ZG16: variants seen among roughly 807,000 people sequenced by gnomAD.
The protein encoded by ZG16 is zymogen granule protein 16.
A neutral mutation model predicts 15.6 loss-of-function variants in ZG16; 9 were observed. The observed-to-expected ratio is 0.58, with a 90% CI of 0.35 to 1.00. The LOEUF (loss-of-function observed/expected upper bound fraction) is 1.00. Among genes scored for constraint, ZG16 ranks in the 50% least tolerant of loss-of-function variants. The pLI, the probability that ZG16 is intolerant of heterozygous loss-of-function variation, is 0.02. For synonymous variants in ZG16, 89 were observed against 87.4 expected (o/e 1.02, Z -0.10); for missense variants, 174 against 214.8 (o/e 0.81, Z 1.19).
At chr16:29,779,746 G>T (rs1898601659) in intron 3 of ZG16, 109 bp downstream of exon 3, 1 of 1,347,088 alleles carries the variant, frequency 7.4e-7, no homozygotes, top group South Asian at 1.4e-5. Flanking sequence ...GCTCAGCCTG[G>T]GCAAGATGCC....
Position 29,780,519 on chromosome 16 carries a change from A to G in ZG16, c.*100A>G. On this transcript the variant is annotated 3_prime_UTR_variant, in exon 4 of 4. Transcript: ENST00000400752. ...CAATAAAAAAAATATGGTTAAGGCTAGTCTGTGTGGGGGCATCTGTGGCTG... is the reference window on the plus strand; with the variant it reads ...CAATAAAAAAAATATGGTTAAGGCTGGTCTGTGTGGGGGCATCTGTGGCTG... 2 of 1,131,632 alleles carry G rather than the reference A, an allele frequency of 1.8e-6. No homozygotes were observed. The highest frequency in any genetic ancestry group is 2.4e-6 in the Non-Finnish European group (2 of 819,398). The allele number at this position is 1,131,632 out of a possible 1,614,324, so 70.1% of individuals were successfully genotyped here. A position where few individuals can be genotyped will look rare whatever the true frequency, so the allele number is the denominator to read the frequency against.
Position 29,781,450 on chromosome 16 carries a change from T to C in ZG16, c.*1031T>C, listed in dbSNP as rs1409977682. 7.2e-5 allele frequency: 11 copies of C among 152,022 alleles called. No homozygotes were observed. The highest frequency in any genetic ancestry group is 7.2e-4 in the Admixed American group (11 of 15,262). 9.4% of individuals were successfully genotyped at this position (152,022 alleles called of 1,614,324 possible). ...AGAAATTTTAAGAAGGGAAGAAAAT[T>C]AAAATGAGTGAAGGTATACGTTAGT... On this transcript the variant is annotated 3_prime_UTR_variant, in exon 4 of 4. Transcript: ENST00000400752.
rs1478479216 is a variant in ZG16, at chr16:29,780,620, T to C, written c.*201T>C. 1 of 566,900 alleles carries C rather than the reference T, an allele frequency of 1.8e-6. No homozygotes were observed. The allele number at this position is 566,900 out of a possible 1,614,324, so 35.1% of individuals were successfully genotyped here. On this transcript the variant is annotated 3_prime_UTR_variant, in exon 4 of 4. Coordinates refer to ENST00000400752, the MANE Select transcript of ZG16 (RefSeq NM_152338.4). ...TGGCTTTGGACATCTGTCTGGAAGA[T>C]GGGAAGATGAGGGAGAGGTATGTAA...
At position 29,780,325 on chromosome 16, in the gene ZG16, C is replaced by T; in HGVS notation, c.410C>T (p.Thr137Ile). Residue 137 changes from threonine (T) to isoleucine (I), a missense_variant, in exon 4 of 4, where the codon ACC becomes ATC. Transcript: ENST00000400752. ...AATGCCGTCCCCTTGCACCCCAACA[C>T]CGTGCTCCGCTTCATCAGTGGCCGG... The part of the protein sequence containing the change: ...SFNAVPLHPN[T>I]VLRFISGRSG... 1 of 1,537,366 alleles carries T rather than the reference C, an allele frequency of 6.5e-7. No individual in the cohort carries two copies. The highest frequency in any genetic ancestry group is 2.4e-5 in the East Asian group (1 of 40,926).
chr16:29,780,077 C>G (rs1898605033), intron 3 of ZG16, 27 bp from the exon 4 acceptor site: 9 of 1,517,122 alleles, frequency 5.9e-6, no homozygotes, highest in Non-Finnish European at 7.9e-6. Context: ...ACCTTTCTTT[C>G]TCCTTCCTTC....
rs1326817418 is a variant in ZG16 at position 29,781,466 on chromosome 16, A to G, written c.*1047A>G. ...GAAGAAAATTAAAATGAGTGAAGGT[A>G]TACGTTAGTTTTGTAAAAGTTATCA... On this transcript the variant is annotated 3_prime_UTR_variant, in exon 4 of 4. Coordinates refer to ENST00000400752, the MANE Select transcript of ZG16 (RefSeq NM_152338.4). 1 of 152,176 alleles carries G rather than the reference A, an allele frequency of 6.6e-6. No individual in the cohort carries two copies. Among genetic ancestry groups the G allele is most frequent in the East Asian group, 1.9e-4 (1 of 5,194 alleles). 9.4% of individuals were successfully genotyped at this position (152,176 alleles called of 1,614,324 possible).
chr16:29,780,303 G>T lies in ZG16; in HGVS notation c.388G>T (p.Ala130Ser). ...GAAAGACAGTGGCACAAGTTTCAAT[G>T]CCGTCCCCTTGCACCCCAACACCGT... ...FGKDSGTSFN[A>S]VPLHPNTVLR... The change falls in exon 4 of 4, where the codon GCC (alanine) becomes TCC (serine). Residue 130 changes from alanine to serine, a missense_variant. Physicochemically the swap from Ala to Ser is moderately conservative, Grantham distance 99. Coordinates refer to ENST00000400752, the MANE Select transcript of ZG16 (RefSeq NM_152338.4). 1 of 1,537,412 alleles carries T rather than the reference G, an allele frequency of 6.5e-7. No homozygotes were observed. Among genetic ancestry groups the T allele is most frequent in the South Asian group, 1.2e-5 (1 of 84,056 alleles).
Position 29,778,269 on chromosome 16 carries a change from A to G in ZG16, c.-45A>G, listed in dbSNP as rs1334193099. ...CTTGGACCTGGTATAAAACATCTGGAAGTTTCCAGGGGGCTGCTTTGCATC... is the reference window on the plus strand; with the variant it reads ...CTTGGACCTGGTATAAAACATCTGGGAGTTTCCAGGGGGCTGCTTTGCATC... On this transcript the variant is annotated 5_prime_UTR_variant, in exon 1 of 4. Transcript: ENST00000400752. The G allele has an allele frequency of 2.0e-5, 3 of 152,134 alleles. No individual in the cohort carries two copies. The highest frequency in any genetic ancestry group is 4.4e-5 in the Non-Finnish European group (3 of 68,066). The allele number at this position is 152,134 out of a possible 1,614,324, so 9.4% of individuals were successfully genotyped here.
chr16:29,780,953 C>T lies in ZG16; in HGVS notation c.*534C>T, dbSNP rs1898617915. 6.5e-6 allele frequency: 1 copy of T among 153,024 alleles called. No homozygotes were observed. Among genetic ancestry groups the T allele is most frequent in the African/African-American group, 2.4e-5 (1 of 41,458 alleles). 9.5% of individuals were successfully genotyped at this position (153,024 alleles called of 1,614,324 possible). ...TAGCTGAAGTCTGTGCCCGAGGACC[C>T]TGCCCTGTTACCAGGCCCAGTTCCT... is the stretch of plus-strand genomic sequence containing the variant. On this transcript the variant is annotated 3_prime_UTR_variant, in exon 4 of 4. Transcript: ENST00000400752.
Position 29,779,568 on chromosome 16 carries a change from A to G in ZG16, c.119A>G (p.His40Arg). The G allele has an allele frequency of 6.5e-7, 1 of 1,537,170 alleles. No individual in the cohort carries two copies. Among genetic ancestry groups the G allele is most frequent in the Non-Finnish European group, 8.7e-7 (1 of 1,146,908 alleles). Residue 40 changes from histidine (H) to arginine (R), a missense_variant, in exon 3 of 4, where the codon CAT becomes CGT. Coordinates refer to ENST00000400752, the MANE Select transcript of ZG16 (RefSeq NM_152338.4). ...YGGGGGKRFS[H>R]SGNQLDGPIT... Reference sequence around the variant, plus strand: ...GGTGGTGGTGGAAAGCGATTCTCTCATTCTGGCAACCAGTTGGACGGCCCC... The same window carrying G: ...GGTGGTGGTGGAAAGCGATTCTCTCGTTCTGGCAACCAGTTGGACGGCCCC...
chr16:29,779,602 C>T lies in ZG16; in HGVS notation c.153C>T (p.Ala51=). 1.3e-6 allele frequency: 2 copies of T among 1,536,860 alleles called. No homozygotes were observed. Among genetic ancestry groups the T allele is most frequent in the Admixed American group, 2.0e-5 (1 of 50,818 alleles). ...SGNQLDGPIT[A]LRVRVNTYYI... ...ACCAGTTGGACGGCCCCATCACCGCCCTCCGGGTCCGAGTCAACACATACT... is the reference window on the plus strand; with the variant it reads ...ACCAGTTGGACGGCCCCATCACCGCTCTCCGGGTCCGAGTCAACACATACT... Residue 51 remains alanine, a synonymous_variant, in exon 3 of 4, where the codon GCC becomes GCT. Coordinates refer to ENST00000400752, the MANE Select transcript of ZG16 (RefSeq NM_152338.4).
chr16:29,780,292 C>T lies in ZG16; in HGVS notation c.377C>T (p.Thr126Ile), dbSNP rs1567351576. ...CTGTCTTTTGGGAAAGACAGTGGCA[C>T]AAGTTTCAATGCCGTCCCCTTGCAC... Reference protein sequence around the residue: ...RYLSFGKDSGTSFNAVPLHPN... With the variant: ...RYLSFGKDSGISFNAVPLHPN... The change falls in exon 4 of 4, where the codon ACA becomes ATA. Residue 126 changes from threonine (T) to isoleucine (I), a missense_variant. Physicochemically the swap from Thr to Ile is moderately conservative, Grantham distance 89 (BLOSUM62 -1). Coordinates refer to ENST00000400752, the MANE Select transcript of ZG16 (RefSeq NM_152338.4). The T allele has an allele frequency of 2.6e-6, 4 of 1,537,438 alleles. No homozygotes were observed. Among genetic ancestry groups the T allele is most frequent in the Non-Finnish European group, 3.5e-6 (4 of 1,146,968 alleles).
chr16:29,780,667 A>G lies in ZG16; in HGVS notation c.*248A>G, dbSNP rs1434062195. 2.1e-6 allele frequency: 1 copy of G among 471,322 alleles called. No individual in the cohort carries two copies. The highest frequency in any genetic ancestry group is 3.8e-5 in the Admixed American group (1 of 26,418). 29.2% of individuals were successfully genotyped at this position (471,322 alleles called of 1,614,324 possible). Reference sequence around the variant, plus strand: ...GTAAGAATCCTGGGCTTTGTGCTATAATTTATCAAGAGGAGATGAGATTCT... The same window carrying G: ...GTAAGAATCCTGGGCTTTGTGCTATGATTTATCAAGAGGAGATGAGATTCT... On this transcript the variant is annotated 3_prime_UTR_variant, in exon 4 of 4. Transcript: ENST00000400752.
Position 29,780,347 on chromosome 16 carries a change from C to T in ZG16, c.432C>T (p.Gly144=). The change falls in exon 4 of 4, where the codon GGC becomes GGT. Residue 144 remains glycine (G), a synonymous_variant. Coordinates refer to ENST00000400752, the MANE Select transcript of ZG16 (RefSeq NM_152338.4). The part of the protein sequence containing the change: ...HPNTVLRFIS[G]RSGSLIDAIG... ...ACACCGTGCTCCGCTTCATCAGTGG[C>T]CGGTCTGGTTCTCTCATCGATGCCA... 6.5e-7 allele frequency: 1 copy of T among 1,537,292 alleles called. No individual in the cohort carries two copies. Among genetic ancestry groups the T allele is most frequent in the African/African-American group, 1.4e-5 (1 of 73,160 alleles).
rs778750149 is a variant in ZG16 at position 29,780,365 on chromosome 16, C to T, written c.450C>T (p.Ile150=). 51 of 1,537,136 alleles carry T rather than the reference C, an allele frequency of 3.3e-5. No individual in the cohort carries two copies. Among genetic ancestry groups the T allele is most frequent in the Non-Finnish European group, 4.4e-5 (50 of 1,146,920 alleles). Residue 150 remains isoleucine (I), a synonymous_variant, in exon 4 of 4, where the codon ATC becomes ATT. Coordinates refer to ENST00000400752, the MANE Select transcript of ZG16 (RefSeq NM_152338.4). The part of the protein sequence containing the change: ...RFISGRSGSL[I]DAIGLHWDVY... ...TCAGTGGCCGGTCTGGTTCTCTCAT[C>T]GATGCCATTGGCCTGCACTGGGATG...
chr16:29,779,900 CAG>C (rs1898603255), intron 3 of ZG16, among the ~76,000 whole-genome samples: 1 of 152,074 alleles, frequency 6.6e-6, no homozygotes, highest in Admixed American at 6.6e-5. Context: ...TGCCTGAGCC[CAG>C]GATGTTGAGG....
chr16:29,781,467 T>C lies in ZG16; in HGVS notation c.*1048T>C, dbSNP rs1898624031. ...AAGAAAATTAAAATGAGTGAAGGTA[T>C]ACGTTAGTTTTGTAAAAGTTATCAA... On this transcript the variant is annotated 3_prime_UTR_variant, in exon 4 of 4. Coordinates refer to ENST00000400752, the MANE Select transcript of ZG16 (RefSeq NM_152338.4). 2.6e-5 allele frequency: 4 copies of C among 152,254 alleles called. No individual in the cohort carries two copies. Among genetic ancestry groups the C allele is most frequent in the East Asian group, 1.9e-4 (1 of 5,182 alleles). The allele number at this position is 152,254 out of a possible 1,614,324, so 9.4% of individuals were successfully genotyped here.
At chr16:29,778,677 C>T (rs1898584519) in intron 1 of ZG16, among the ~76,000 whole-genome samples, 1 of 152,088 alleles carries the variant, frequency 6.6e-6, no homozygotes, top group African/African-American at 2.4e-5. Context: ...AACTTTGCTC[C>T]CCAGGTAACA....
chr16:29,780,256 A>G lies in ZG16; in HGVS notation c.341A>G (p.Lys114Arg). The part of the protein sequence containing the change: ...YLKKLVFVTD[K>R]GRYLSFGKDS... The stretch of plus-strand genomic sequence containing the variant: ...AAGAAGCTGGTATTTGTGACAGACA[A>G]GGGCCGCTATCTGTCTTTTGGGAAA... The change falls in exon 4 of 4, where the codon AAG becomes AGG. Residue 114 changes from lysine (K) to arginine (R), a missense_variant. Physicochemically the swap from Lys to Arg is conservative, Grantham distance 26. Transcript: ENST00000400752. The G allele has an allele frequency of 6.5e-7, 1 of 1,537,500 alleles. No homozygotes were observed. The highest frequency in any genetic ancestry group is 8.7e-7 in the Non-Finnish European group (1 of 1,146,962).
Sources: gnomAD v4.1 joint callset for allele counts (sites outside exome capture counted in the v4.1 genomes callset) on GRCh38, gnomAD v4.1.1 for gene constraint, MANE v1.5 for transcripts, NCBI Gene and HGNC (gene_info 2026-07-23, HGNC 2026-07-21) for gene names.